The following MYO9B variants were observed in gnomAD, a reference collection of about 807,000 sequenced individuals.
MYO9B encodes the protein myosin IXB.
MYO9B carries 71 observed loss-of-function variants against 229.5 expected under a neutral mutation model. The observed-to-expected ratio is 0.31, with a 90% confidence interval of 0.26 to 0.38. MYO9B has a LOEUF of 0.38. Ranked by LOEUF, MYO9B falls within the 10% of genes least tolerant of loss-of-function variation. The pLI is 1.00. For synonymous variants in MYO9B, 1,185 were observed against 1,235.8 expected, an observed-to-expected ratio of 0.96 and a Z score of 0.86; for missense variants, 2,255 against 2,920.5, an observed-to-expected ratio of 0.77 and a Z score of 5.25.
intron 29 of MYO9B, 32 bp from the exon 30 acceptor site, chr19:17,203,115 T>C: frequency 6.5e-7 from 1 of 1,533,038 alleles, no homozygotes; most frequent in Non-Finnish European, 8.8e-7. Context: ...CCTTCCCCTT[T>C]CCCTGCCCAG....
chr19:17,154,527 T>C, intron 6 of MYO9B, 112 bp downstream of exon 6: 1 of 753,410 alleles, frequency 1.3e-6, no homozygotes, highest in Non-Finnish European at 2.1e-6. Flanking sequence ...AGGCAGGCAG[T>C]GTCCTGAACA....
At chr19:17,113,504 G>A (rs1200557428) in intron 2 of MYO9B, among the ~76,000 whole-genome samples, 4 of 152,154 alleles carry the variant, frequency 2.6e-5, no homozygotes, top group Non-Finnish European at 4.4e-5. Context: ...GCTAAACAGC[G>A]GGATGGTTAT....
chr19:17,198,118 G>A (rs2073066799), intron 23 of MYO9B, 66 bp from the exon 24 acceptor site: 1 of 1,598,016 alleles, frequency 6.3e-7, no homozygotes, highest in African/African-American at 1.3e-5. Context: ...TGCCTGCAGG[G>A]GCTTCCCCAT....
chr19:17,092,234 A>G (rs544805743), intron 1 of MYO9B, among the ~76,000 whole-genome samples: 2 of 152,306 alleles, frequency 1.3e-5, no homozygotes, highest in South Asian at 4.1e-4. Flanking sequence ...CGTCGCCTAC[A>G]TCCAGGCAGC....
rs1027030377 is a variant in MYO9B at position 17,147,672 on chromosome 19, A to ATT, written c.935+2210_935+2211dup. The stretch of plus-strand genomic sequence containing the variant: ...CCACTGCGCCCAGACACTATGTTTA[A>ATT]TTTTTTTTTTTTTTTTTTTTTTTTT... On this transcript the variant is annotated intron_variant, in intron 3 of 39. Coordinates refer to ENST00000682292, the MANE Select transcript of MYO9B (RefSeq NM_004145.4). 2.0e-3 allele frequency among the ~76,000 whole-genome samples: 163 copies of ATT among 81,240 alleles called. 6 individuals are homozygous for ATT. Among genetic ancestry groups the ATT allele is most frequent in the Middle Eastern group, 9.6e-3 (1 of 104 alleles). The allele number at this position is 81,240 out of a possible 152,430, so 53.3% of individuals were successfully genotyped here. A position where few individuals can be genotyped will look rare whatever the true frequency, so the allele number is the denominator to read the frequency against.
intron 2 of MYO9B, among the ~76,000 whole-genome samples, chr19:17,109,026 T>C (rs2057820802): frequency 6.9e-6 from 1 of 144,184 alleles, no homozygotes; most frequent in Admixed American, 7.0e-5. Flanking sequence ...AGAATCTTTT[T>C]TTTAATTTTA....
At chr19:17,186,024 G>T in intron 18 of MYO9B, 23 bp downstream of exon 18, 1 of 1,607,790 alleles carries the variant, frequency 6.2e-7, no homozygotes, top group Non-Finnish European at 8.5e-7. Flanking sequence ...AAGGTGTTTG[G>T]GAGGAGAAGG....
intron 2 of MYO9B, among the ~76,000 whole-genome samples, chr19:17,129,847 ACT>A (rs1363860343): frequency 6.6e-6 from 1 of 151,318 alleles, no homozygotes; most frequent in African/African-American, 2.4e-5. Context: ...ATGGGTTCTA[ACT>A]CTGTTGCCCA....
chr19:17,098,990 A>G (rs2057718806), intron 1 of MYO9B, among the ~76,000 whole-genome samples: 1 of 151,828 alleles, frequency 6.6e-6, no homozygotes, highest in African/African-American at 2.4e-5. Context: ...AAAAAAAAAA[A>G]AAAGGGCTAG....
Position 17,212,174 on chromosome 19 carries a change from C to A in MYO9B, c.6338C>A (p.Thr2113Lys). 6.3e-7 allele frequency: 1 copy of A among 1,580,830 alleles called. No individual in the cohort carries two copies. The highest frequency in any genetic ancestry group is 1.3e-5 in the African/African-American group (1 of 74,176). Residue 2113 changes from threonine (T) to lysine (K), a missense_variant, in exon 40 of 40, where the codon ACG (threonine) becomes AAG (lysine). Around this residue, in one of 7 missense-constraint regions of MYO9B, gnomAD observed 331 missense variants for 332.5 expected, o/e 1.00. Transcript: ENST00000682292. The surrounding 1 kb of genome is among the most constrained non-coding windows in gnomAD (Gnocchi z 5.4). ...GACCAGATACATTCCGTGTACATCA[C>A]GCCCGGGGCAGACCTGCCAGTGCAG... ...RPDQIHSVYI[T>K]PGADLPVQGA...
intron 1 of MYO9B, among the ~76,000 whole-genome samples, chr19:17,080,670 C>A (rs946920041): frequency 1.3e-5 from 2 of 152,074 alleles, no homozygotes; most frequent in African/African-American, 4.8e-5. Flanking sequence ...GAGTTTAAGA[C>A]CAGCCTGGAC....
intron 1 of MYO9B, among the ~76,000 whole-genome samples, chr19:17,093,105 G>A (rs771273071): frequency 5.9e-5 from 9 of 152,064 alleles, no homozygotes; most frequent in African/African-American, 9.7e-5. Context: ...GCTGAGGTGG[G>A]CGGATCACCT....
chr19:17,124,169 G>A (rs995150940), intron 2 of MYO9B, among the ~76,000 whole-genome samples: 1 of 151,808 alleles, frequency 6.6e-6, no homozygotes, highest in Admixed American at 6.6e-5. Context: ...GATTACTGGT[G>A]TGAGCCACCA....
At chr19:17,202,365 C>T in intron 28 of MYO9B, 62 bp downstream of exon 28, 2 of 1,441,004 alleles carry the variant, frequency 1.4e-6, no homozygotes, top group Non-Finnish European at 1.8e-6. Context: ...GCCTCGCCAT[C>T]CTTAGCCACG....
chr19:17,199,303 C>T (rs1259474186), intron 24 of MYO9B, among the ~76,000 whole-genome samples: 6 of 152,086 alleles, frequency 3.9e-5, no homozygotes, highest in Non-Finnish European at 7.4e-5. Flanking sequence ...GGATCATGCT[C>T]GTGAGGCCAG....
intron 34 of MYO9B, 63 bp from the exon 35 acceptor site, chr19:17,207,050 G>C: frequency 6.3e-7 from 1 of 1,581,548 alleles, no homozygotes; most frequent in South Asian, 1.1e-5. Context: ...GTTCAGTCTC[G>C]GGGCTCCCTG....
intron 2 of MYO9B, among the ~76,000 whole-genome samples, chr19:17,120,209 C>G (rs1048874091): frequency 2.0e-5 from 3 of 152,320 alleles, no homozygotes; most frequent in African/African-American, 7.2e-5. Flanking sequence ...AGGGCAGTGC[C>G]TGCTGTGGCT....
At position 17,200,632 on chromosome 19, in the gene MYO9B, C is replaced by T. The variant is rs1281113296; in HGVS notation, c.4373-7C>T. The T allele has an allele frequency of 3.1e-6, 5 of 1,607,722 alleles. No individual in the cohort carries two copies. The highest frequency in any genetic ancestry group is 1.7e-5 in the Admixed American group (1 of 58,460). ...ACCCTCACCGGCTGCTTCCTGTCCCCCCTCAGCCCCCTCCGGACAGCAGCA... is the reference window on the plus strand; with the variant it reads ...ACCCTCACCGGCTGCTTCCTGTCCCTCCTCAGCCCCCTCCGGACAGCAGCA... On this transcript the variant is annotated splice_region_variant and splice_polypyrimidine_tract_variant and intron_variant, in intron 25 of 39. Transcript: ENST00000682292.
intron 7 of MYO9B, among the ~76,000 whole-genome samples, chr19:17,158,722 T>TCTAA (rs1306324800): frequency 1.3e-5 from 2 of 151,772 alleles, no homozygotes; most frequent in Admixed American, 6.6e-5. Flanking sequence ...CTGGGTAAGG[T>TCTAA]CTAAGCCCAG....
Sources: gnomAD v4.1 joint callset for allele counts (sites outside exome capture counted in the v4.1 genomes callset) on GRCh38, gnomAD v4.1.1 for gene constraint, gnomAD v4.1.1 regional missense constraint, Gnocchi (gnomAD v3.1) non-coding constraint, MANE v1.5 for transcripts, NCBI Gene and HGNC (gene_info 2026-07-23, HGNC 2026-07-21) for gene names.